Variants in PARD3 observed in about 807,000 individuals in gnomAD.
PARD3 encodes partitioning defective 3 homolog.
In PARD3, 75 loss-of-function variants were observed where a neutral mutation model predicts 155.4. The ratio of observed to expected loss-of-function variants is 0.48; its 90% CI spans 0.40 to 0.58. PARD3 has a LOEUF of 0.58. Ranked by LOEUF, PARD3 falls within the 20% of genes least tolerant of loss-of-function variation. The pLI is 0.00. For synonymous variants in PARD3, 576 were observed against 610.5 expected (o/e 0.94, Z 0.83); for missense variants, 1,642 against 1,721.7 (o/e 0.95, Z 0.82).
chr10:34,548,238 C>T (rs2084260822), intron 2 of PARD3, among the ~76,000 whole-genome samples: 3 of 152,102 alleles, frequency 2.0e-5, no homozygotes, highest in Admixed American at 2.0e-4. Context: ...CCTGTAATCC[C>T]AACACATTGG....
chr10:34,343,082 C>T, intron 15 of PARD3, among the ~76,000 whole-genome samples: 1 of 152,114 alleles, frequency 6.6e-6, no homozygotes, highest in East Asian at 1.9e-4. Context: ...AAGTGTCATT[C>T]ATCAATAAGG....
chr10:34,386,521 T>C (rs987486661), intron 7 of PARD3, among the ~76,000 whole-genome samples: 1 of 152,122 alleles, frequency 6.6e-6, no homozygotes, highest in Non-Finnish European at 1.5e-5. Context: ...TGTTCTATCA[T>C]AGGAATCAAA....
chr10:34,453,654 T>C (rs1466633671), intron 4 of PARD3, among the ~76,000 whole-genome samples: 1 of 152,236 alleles, frequency 6.6e-6, no homozygotes, highest in Non-Finnish European at 1.5e-5. Flanking sequence ...ATTTTTAGAT[T>C]TATACTAAAA....
intron 1 of PARD3, among the ~76,000 whole-genome samples, chr10:34,750,030 TACACACACACACAC>T (rs71984849): frequency 0.03 from 4,220 of 140,772 alleles, 72 homozygotes; most frequent in African/African-American, 0.039. Context: ...TCAAAAAAAG[TACACACACACACAC>T]ACACACACAC....
chr10:34,242,887 A>C (rs1413301930), intron 22 of PARD3, among the ~76,000 whole-genome samples: 1 of 152,192 alleles, frequency 6.6e-6, no homozygotes, highest in Non-Finnish European at 1.5e-5. Flanking sequence ...GTGAGCTGAG[A>C]TCACACTATT....
At position 34,778,489 on chromosome 10, in the gene PARD3, G is replaced by A. The variant is rs535802314; in HGVS notation, c.120+36387C>T. 2.0e-5 allele frequency among the ~76,000 whole-genome samples: 3 copies of A among 152,262 alleles called. No homozygotes were observed. In the East Asian group the frequency reaches 5.8e-4, roughly 29 times the overall value. Reference sequence around the variant, plus strand: ...TAAATGGCAAACATGAATTAACAAGGGGGAAAATGCAGCAACAATCAGGCC... The same window carrying A: ...TAAATGGCAAACATGAATTAACAAGAGGGAAAATGCAGCAACAATCAGGCC... On this transcript the variant is annotated intron_variant, in intron 1 of 24. Coordinates refer to ENST00000374788, the MANE Select transcript of PARD3 (RefSeq NM_001184785.2).
intron 1 of PARD3, among the ~76,000 whole-genome samples, chr10:34,703,248 G>T (rs2094311158): frequency 6.6e-6 from 1 of 151,726 alleles, no homozygotes; most frequent in Non-Finnish European, 1.5e-5. Flanking sequence ...AATAAGTCAG[G>T]TGTGGTGGCA....
chr10:34,655,185 G>T (rs1435380612), intron 2 of PARD3, among the ~76,000 whole-genome samples: 3 of 151,542 alleles, frequency 2.0e-5, no homozygotes, highest in Non-Finnish European at 4.4e-5. Flanking sequence ...TGAAGACGAG[G>T]TTTGTTCAAA....
chr10:34,495,485 G>T (rs2080214356), intron 3 of PARD3, among the ~76,000 whole-genome samples: 1 of 152,204 alleles, frequency 6.6e-6, no homozygotes, highest in Non-Finnish European at 1.5e-5. Flanking sequence ...TGTGAAAACT[G>T]AATTTAGAGC....
At chr10:34,572,483 T>C (rs2086497747) in intron 2 of PARD3, among the ~76,000 whole-genome samples, 1 of 151,698 alleles carries the variant, frequency 6.6e-6, no homozygotes, top group Non-Finnish European at 1.5e-5. Flanking sequence ...CTACCAAAAA[T>C]ACAAAAATTA....
At chr10:34,655,444 T>C (rs993376147) in intron 2 of PARD3, among the ~76,000 whole-genome samples, 5 of 152,062 alleles carry the variant, frequency 3.3e-5, no homozygotes, top group African/African-American at 1.2e-4. Flanking sequence ...GTGTGTGAGA[T>C]GGAGAGAAGT....
chr10:34,326,279 C>A (rs1287519758), intron 19 of PARD3, among the ~76,000 whole-genome samples: 1 of 152,160 alleles, frequency 6.6e-6, no homozygotes, highest in African/African-American at 2.4e-5. Flanking sequence ...TACACCCATA[C>A]TATGATCAGA....
At chr10:34,394,991 C>G (rs1054653456) in intron 7 of PARD3, among the ~76,000 whole-genome samples, 1 of 150,784 alleles carries the variant, frequency 6.6e-6, no homozygotes, top group Admixed American at 6.6e-5. Flanking sequence ...TTTGGCATAA[C>G]CTTCCTGAAA....
chr10:34,807,124 C>A (rs116500759), intron 1 of PARD3, among the ~76,000 whole-genome samples: 5,852 of 152,252 alleles, frequency 0.038, 131 homozygotes, highest in Middle Eastern at 0.092. Context: ...GGGTAGCACA[C>A]AGAGACCAGG....
At position 34,465,328 on chromosome 10, in the gene PARD3, G is replaced by A. The variant is rs2077941651; in HGVS notation, c.582+4757C>T. Among the ~76,000 whole-genome samples the A allele has an allele frequency of 2.0e-5, 3 of 152,080 alleles. No individual in the cohort carries two copies. In the South Asian group the frequency reaches 6.2e-4, roughly 32 times the overall value. On this transcript the variant is annotated intron_variant, in intron 4 of 24. Coordinates refer to ENST00000374788, the MANE Select transcript of PARD3 (RefSeq NM_001184785.2). ...CTGTATTACTATCAGGGAAAAAAAA[G>A]GGGGTTGGGGAACCTTGAAAAATAC...
At chr10:34,332,095 G>A (rs1835680591) in intron 18 of PARD3, among the ~76,000 whole-genome samples, 1 of 152,140 alleles carries the variant, frequency 6.6e-6, no homozygotes, top group Non-Finnish European at 1.5e-5. Flanking sequence ...ACAGGTGATG[G>A]ACAGAAGAAA....
At chr10:34,452,885 T>A (rs1388904548) in intron 4 of PARD3, among the ~76,000 whole-genome samples, 1 of 152,156 alleles carries the variant, frequency 6.6e-6, no homozygotes, top group Non-Finnish European at 1.5e-5. Context: ...CCCTCTTTGA[T>A]CTCCACAGCT....
chr10:34,493,995 ACC>A (rs1299297100), intron 3 of PARD3, among the ~76,000 whole-genome samples: 3 of 152,184 alleles, frequency 2.0e-5, no homozygotes, highest in Non-Finnish European at 4.4e-5. Flanking sequence ...TCATATTTAC[ACC>A]ATGGAAATGG....
intron 3 of PARD3, among the ~76,000 whole-genome samples, chr10:34,497,194 T>C (rs2080350335): frequency 6.6e-6 from 1 of 151,884 alleles, no homozygotes; most frequent in Non-Finnish European, 1.5e-5. Flanking sequence ...GGATTCAAAC[T>C]GAATCCACGG....
Sources: allele counts gnomAD v4.1 joint callset (sites outside exome capture counted in the v4.1 genomes callset), GRCh38; gene constraint gnomAD v4.1.1; transcripts MANE v1.5; gene names NCBI Gene and HGNC (gene_info 2026-07-23, HGNC 2026-07-21).